The following TUFT1 variants were observed in gnomAD, a reference collection of about 807,000 sequenced individuals.
TUFT1 encodes tuftelin.
Under a neutral mutation model 57.8 loss-of-function variants are expected in TUFT1, and 43 were observed. That is an observed-to-expected ratio of 0.74 (90% CI 0.58 to 0.96). The LOEUF is 0.96. Among genes scored for constraint, TUFT1 ranks in the 40% least tolerant of loss-of-function variants. The pLI is 0.00. For synonymous variants in TUFT1, 166 were observed against 176.7 expected (o/e 0.94, Z 0.48); for missense variants, 459 against 489.0 (o/e 0.94, Z 0.58).
chr1:151,580,874 C>A (rs1443088911), intron 11 of TUFT1, 68 bp from the exon 12 acceptor site: 6 of 1,372,264 alleles, frequency 4.4e-6, no homozygotes, highest in Non-Finnish European at 6.2e-6. Flanking sequence ...GACCAGAATG[C>A]ACTAGCTGAA....
intron 1 of TUFT1, among the ~76,000 whole-genome samples, chr1:151,541,274 G>A (rs1457006089): frequency 6.6e-6 from 1 of 152,190 alleles, no homozygotes; most frequent in Non-Finnish European, 1.5e-5. Flanking sequence ...GCGTTCTCCA[G>A]TGCAGGCTGG....
chr1:151,561,983 A>T lies in TUFT1; in HGVS notation c.61-108A>T, dbSNP rs1041749402. ...TTTCCTAGTCTGTGAAGTGGTGATG[A>T]TAAGACCCGCTCCACAGAGCTGGCA... is the stretch of plus-strand genomic sequence containing the variant. On this transcript the variant is annotated intron_variant, in intron 1 of 12. Coordinates refer to ENST00000368849, the MANE Select transcript of TUFT1 (RefSeq NM_020127.3). 6.8e-6 allele frequency: 10 copies of T among 1,478,854 alleles called. No homozygotes were observed. The African/African-American group carries it at 1.4e-4, about 21-fold the overall frequency. 91.6% of individuals were successfully genotyped at this position (1,478,854 alleles called of 1,614,324 possible). A position where few individuals can be genotyped will look rare whatever the true frequency, so the allele number is the denominator to read the frequency against.
intron 9 of TUFT1, among the ~76,000 whole-genome samples, chr1:151,575,780 G>C (rs1571718494): frequency 1.3e-5 from 2 of 152,334 alleles, no homozygotes; most frequent in South Asian, 2.1e-4. Context: ...GACATTATCT[G>C]AAGGGCCTTT....
chr1:151,574,025 A>G (rs1042145648), intron 7 of TUFT1, among the ~76,000 whole-genome samples: 1 of 152,148 alleles, frequency 6.6e-6, no homozygotes, highest in African/African-American at 2.4e-5. Flanking sequence ...TGTGGGTTCC[A>G]GGTGTCACTT....
intron 1 of TUFT1, among the ~76,000 whole-genome samples, chr1:151,559,857 G>C (rs981003110): frequency 6.6e-6 from 1 of 151,816 alleles, no homozygotes; most frequent in South Asian, 2.1e-4. Context: ...GCAGTGGCGC[G>C]ATCTCAGCTC....
chr1:151,540,455 C>G lies in TUFT1; in HGVS notation c.60+29C>G, dbSNP rs377652285. 1.1e-5 allele frequency: 18 copies of G among 1,613,766 alleles called. No individual in the cohort carries two copies. The African/African-American group carries it at 1.2e-4, about 11-fold the overall frequency. ...AGAAAAAGCGCTCTCGCTGTCTTCTCCGTTTTGTATTCCCGGTTTCTAAGT... is the reference window on the plus strand; with the variant it reads ...AGAAAAAGCGCTCTCGCTGTCTTCTGCGTTTTGTATTCCCGGTTTCTAAGT... On this transcript the variant is annotated intron_variant, in intron 1 of 12. Transcript: ENST00000368849.
intron 7 of TUFT1, among the ~76,000 whole-genome samples, chr1:151,572,959 T>A (rs1260055315): frequency 6.6e-6 from 1 of 152,220 alleles, no homozygotes. Context: ...GCAGTCAGTG[T>A]GAGGCACCTG....
rs912477422 is a variant in TUFT1, at chr1:151,582,960, G to C, written c.*1253G>C. 3 of 150,070 alleles carry C rather than the reference G, an allele frequency of 2.0e-5. No individual in the cohort carries two copies. The highest frequency in any genetic ancestry group is 7.4e-5 in the African/African-American group (3 of 40,730). The allele number at this position is 150,070 out of a possible 1,614,324, so 9.3% of individuals were successfully genotyped here. A position where few individuals can be genotyped will look rare whatever the true frequency, so the allele number is the denominator to read the frequency against. On this transcript the variant is annotated 3_prime_UTR_variant, in exon 13 of 13. Coordinates refer to ENST00000368849, the MANE Select transcript of TUFT1 (RefSeq NM_020127.3). ...ATTGTTTTTTTTTTTTTCTGAGACA[G>C]AGTCTCACTCTGTCACCCAGGCTGG...
At chr1:151,559,247 G>C (rs72692719) in intron 1 of TUFT1, among the ~76,000 whole-genome samples, 1 of 152,046 alleles carries the variant, frequency 6.6e-6, no homozygotes, top group African/African-American at 2.4e-5. Flanking sequence ...CTTTGCTAAG[G>C]GCTGTGGCAT....
chr1:151,569,116 G>A (rs904503395), intron 6 of TUFT1, among the ~76,000 whole-genome samples: 1 of 152,194 alleles, frequency 6.6e-6, no homozygotes, highest in Non-Finnish European at 1.5e-5. Flanking sequence ...AATCAGATTC[G>A]TGGACTCATT....
chr1:151,562,476 T>C, intron 2 of TUFT1, 109 bp from the exon 3 acceptor site: 4 of 982,416 alleles, frequency 4.1e-6, no homozygotes, highest in Non-Finnish European at 6.2e-6. Context: ...TTCAAGTCTT[T>C]TGAGAAACAG....
chr1:151,564,606 G>A lies in TUFT1; in HGVS notation c.406G>A (p.Glu136Lys). ...RNLGDSLHRQ[E>K]IQVVLEKPNG... ...CCTAGGAGATTCTCTCCATCGACAG[G>A]AGATACAGGTAATAGGAAATGGTCC... Residue 136 changes from glutamate to lysine, a missense_variant, in exon 5 of 13, where the codon GAG (glutamate) becomes AAG (lysine). Transcript: ENST00000368849. The A allele has an allele frequency of 1.9e-6, 3 of 1,613,958 alleles. No individual in the cohort carries two copies. Among genetic ancestry groups the A allele is most frequent in the Non-Finnish European group, 2.5e-6 (3 of 1,179,858 alleles).
At chr1:151,573,604 C>T (rs185291568) in intron 7 of TUFT1, among the ~76,000 whole-genome samples, 31 of 152,198 alleles carry the variant, frequency 2.0e-4, no homozygotes, top group East Asian at 5.8e-4. Context: ...ATTAGCTGGG[C>T]GTGGTGGCAC....
chr1:151,567,205 T>C (rs1168811551), intron 6 of TUFT1, among the ~76,000 whole-genome samples: 2 of 152,114 alleles, frequency 1.3e-5, no homozygotes, highest in Admixed American at 1.3e-4. Context: ...TAGCCTACTT[T>C]TTAAATTTTT....
chr1:151,560,884 C>T (rs887792094), intron 1 of TUFT1, among the ~76,000 whole-genome samples: 1 of 152,044 alleles, frequency 6.6e-6, no homozygotes, highest in Non-Finnish European at 1.5e-5. Context: ...ATCATCTTCC[C>T]AATCTACAGG....
At chr1:151,578,371 G>T (rs753173903) in intron 9 of TUFT1, among the ~76,000 whole-genome samples, 1 of 151,964 alleles carries the variant, frequency 6.6e-6, no homozygotes, top group African/African-American at 2.4e-5. Context: ...GTGCAGTGGC[G>T]CCATCTTGGC....
intron 1 of TUFT1, among the ~76,000 whole-genome samples, chr1:151,550,790 C>T (rs761834760): frequency 5.8e-4 from 89 of 152,274 alleles, no homozygotes; most frequent in Non-Finnish European, 1.1e-3. Context: ...TAGCCAGGCA[C>T]GGTGGTGCAC....
chr1:151,573,240 A>G (rs1356717464), intron 7 of TUFT1, among the ~76,000 whole-genome samples: 1 of 152,106 alleles, frequency 6.6e-6, no homozygotes, highest in African/African-American at 2.4e-5. Flanking sequence ...AAATCTGTTC[A>G]ATGCTATGAG....
At chr1:151,542,002 T>G (rs1665183445) in intron 1 of TUFT1, among the ~76,000 whole-genome samples, 1 of 152,138 alleles carries the variant, frequency 6.6e-6, no homozygotes, top group Non-Finnish European at 1.5e-5. Context: ...GCACACCACC[T>G]ATAGCTTCTC....
Sources: gnomAD v4.1 joint callset for allele counts (sites outside exome capture counted in the v4.1 genomes callset) on GRCh38, gnomAD v4.1.1 for gene constraint, MANE v1.5 for transcripts, NCBI Gene and HGNC (gene_info 2026-07-23, HGNC 2026-07-21) for gene names.